The following WDR36 variants were observed in gnomAD, a reference collection of about 807,000 sequenced individuals.
The protein encoded by WDR36 is WD repeat-containing protein 36.
A neutral mutation model predicts 112.7 loss-of-function variants in WDR36; 63 were observed. The observed-to-expected ratio is 0.56, with a 90% CI of 0.46 to 0.69. The LOEUF is 0.69. Among genes scored for constraint, WDR36 ranks in the 30% least tolerant of loss-of-function variants. WDR36 has a pLI of 0.00. For synonymous variants in WDR36, 410 were observed against 362.2 expected, an observed-to-expected ratio of 1.13 and a Z score of -1.50; for missense variants, 1,226 against 1,070.3, an observed-to-expected ratio of 1.15 and a Z score of -2.03.
chr5:111,123,417 A>T (rs1352736009), intron 19 of WDR36, among the ~76,000 whole-genome samples: 1 of 152,220 alleles, frequency 6.6e-6, no homozygotes, highest in African/African-American at 2.4e-5. Flanking sequence ...TGTATTAAGC[A>T]TTTATGTAAA....
In WDR36 at chr5:111,120,992, T is replaced by C. The variant is rs780022948; in HGVS notation, c.2003-4T>C. On this transcript the variant is annotated splice_region_variant and splice_polypyrimidine_tract_variant and intron_variant, in intron 18 of 22. Coordinates refer to ENST00000513710, the MANE Select transcript of WDR36 (RefSeq NM_139281.3). ...TTTTGTTTTACCTGAAAAATTTTTT[T>C]AAGATGTAGAAGTATCAGAAGAAAC... is the stretch of plus-strand genomic sequence containing the variant. The C allele has an allele frequency of 2.9e-5, 47 of 1,611,438 alleles. No individual in the cohort carries two copies. The highest frequency in any genetic ancestry group is 3.7e-5 in the Non-Finnish European group (44 of 1,178,638).
intron 5 of WDR36, 103 bp from the exon 6 acceptor site, chr5:111,102,238 AACTT>A: frequency 1.2e-6 from 1 of 829,010 alleles, no homozygotes. Flanking sequence ...GAAGAGTAAG[AACTT>A]AATAAATATC....
rs1753703416 is a variant in WDR36 at position 111,127,815 on chromosome 5, A to G, written c.*932A>G. ...ATAGTTTAATGTCCTCTGAAAAGGT[A>G]AAAATTCCATAAATCCTTGCAAACA... On this transcript the variant is annotated 3_prime_UTR_variant, in exon 23 of 23. Transcript: ENST00000513710. 4.7e-6 allele frequency: 1 copy of G among 212,142 alleles called. No homozygotes were observed. Among genetic ancestry groups the G allele is most frequent in the Non-Finnish European group, 9.6e-6 (1 of 104,644 alleles). The allele number at this position is 212,142 out of a possible 1,614,324, so 13.1% of individuals were successfully genotyped here.
Position 111,123,924 on chromosome 5 carries a change from G to A in WDR36, c.2268G>A (p.Gln756=). ...AAPEQNNDPQ[Q]SKVVNLGVLA... ...CTGAACAAAATAATGATCCCCAGCA[G>A]GTAAAAAACAAATTAGAAGATTCTA... The change falls in exon 20 of 23, where the codon CAG becomes CAA. Residue 756 remains glutamine (Q), a splice_region_variant and synonymous_variant. Coordinates refer to ENST00000513710, the MANE Select transcript of WDR36 (RefSeq NM_139281.3). 1 of 1,613,438 alleles carries A rather than the reference G, an allele frequency of 6.2e-7. No homozygotes were observed. Among genetic ancestry groups the A allele is most frequent in the Non-Finnish European group, 8.5e-7 (1 of 1,179,872 alleles).
In WDR36 at chr5:111,129,179, A is replaced by G. The variant is rs1475336323; in HGVS notation, c.*2296A>G. On this transcript the variant is annotated 3_prime_UTR_variant, in exon 23 of 23. Coordinates refer to ENST00000513710, the MANE Select transcript of WDR36 (RefSeq NM_139281.3). ...AAGTTTTCCTTCTTTTTATTCCTTT[A>G]TAATTACAAACAATGCTGAAAGGAA... is the stretch of plus-strand genomic sequence containing the variant. 5.0e-6 allele frequency: 1 copy of G among 198,258 alleles called. No homozygotes were observed. Among genetic ancestry groups the G allele is most frequent in the Non-Finnish European group, 1.0e-5 (1 of 95,914 alleles). 12.3% of individuals were successfully genotyped at this position (198,258 alleles called of 1,614,324 possible). A position where few individuals can be genotyped will look rare whatever the true frequency, so the allele number is the denominator to read the frequency against.
At chr5:111,114,697 AC>A (rs151255442) in intron 16 of WDR36, among the ~76,000 whole-genome samples, 3,372 of 152,310 alleles carry the variant, frequency 0.022, 134 homozygotes, top group African/African-American at 0.078. Flanking sequence ...AATTAAAAAA[AC>A]ATTTTGTTAA....
chr5:111,128,340 A>T lies in WDR36; in HGVS notation c.*1457A>T. ...GTTTTTATTTAATGATGTAAGATAG[A>T]ATTAATAAACTACTAAGGAAATAAG... is the stretch of plus-strand genomic sequence containing the variant. On this transcript the variant is annotated 3_prime_UTR_variant, in exon 23 of 23. Transcript: ENST00000513710. The T allele has an allele frequency of 5.4e-6, 1 of 185,032 alleles. No homozygotes were observed. Among genetic ancestry groups the T allele is most frequent in the Non-Finnish European group, 1.1e-5 (1 of 87,092 alleles). 11.5% of individuals were successfully genotyped at this position (185,032 alleles called of 1,614,324 possible).
chr5:111,092,904 C>T (rs1752897858), intron 1 of WDR36, among the ~76,000 whole-genome samples: 1 of 152,230 alleles, frequency 6.6e-6, no homozygotes, highest in Non-Finnish European at 1.5e-5. Context: ...TTGACCTTCC[C>T]TTGAAGGTGG....
At chr5:111,100,436 C>G (rs1403069944) in intron 4 of WDR36, among the ~76,000 whole-genome samples, 153 bp from the exon 5 acceptor site, 5 of 151,866 alleles carry the variant, frequency 3.3e-5, no homozygotes, top group South Asian at 2.1e-4. Flanking sequence ...TTTTATTTCT[C>G]AAGGAATGTT....
At position 111,128,209 on chromosome 5, in the gene WDR36, C is replaced by G. The variant is rs376317466; in HGVS notation, c.*1326C>G. 2 of 190,398 alleles carry G rather than the reference C, an allele frequency of 1.1e-5. No homozygotes were observed. The highest frequency in any genetic ancestry group is 4.7e-5 in the African/African-American group (2 of 42,894). The allele number at this position is 190,398 out of a possible 1,614,324, so 11.8% of individuals were successfully genotyped here. A position where few individuals can be genotyped will look rare whatever the true frequency, so the allele number is the denominator to read the frequency against. On this transcript the variant is annotated 3_prime_UTR_variant, in exon 23 of 23. Transcript: ENST00000513710. ...AAACACAGTGGTTTGAATATGAACA[C>G]CAGTAGCATTCTCGTTCGTTGTTAG...
chr5:111,120,712 A>T, intron 18 of WDR36, 119 bp downstream of exon 18: 1 of 880,218 alleles, frequency 1.1e-6, no homozygotes, highest in African/African-American at 1.7e-5. Flanking sequence ...AACTGATATA[A>T]AAGACTTTGA....
intron 16 of WDR36, among the ~76,000 whole-genome samples, chr5:111,113,529 A>G (rs1753391626): frequency 6.6e-6 from 1 of 152,002 alleles, no homozygotes; most frequent in Admixed American, 6.6e-5. Context: ...TAAAAGGTCA[A>G]ACCCCCTAAC....
chr5:111,102,684 A>G (rs1753144522), intron 6 of WDR36, among the ~76,000 whole-genome samples: 1 of 151,694 alleles, frequency 6.6e-6, no homozygotes, highest in Non-Finnish European at 1.5e-5. Context: ...TATGTAGTCC[A>G]TTGTCTTGTG....
intron 19 of WDR36, among the ~76,000 whole-genome samples, chr5:111,122,736 A>G (rs1753592825): frequency 6.6e-6 from 1 of 152,202 alleles, no homozygotes; most frequent in Admixed American, 6.5e-5. Flanking sequence ...AGGGCGGCAT[A>G]GCTCCTAAAG....
intron 18 of WDR36, 66 bp downstream of exon 18, chr5:111,120,659 C>T (rs1346420483): frequency 7.5e-7 from 1 of 1,334,114 alleles, no homozygotes; most frequent in Non-Finnish European, 1.1e-6. Context: ...GGAGATATTG[C>T]TACCAAAGGC....
chr5:111,097,301 C>G (rs920578085), intron 3 of WDR36, 122 bp downstream of exon 3: 1 of 735,248 alleles, frequency 1.4e-6, no homozygotes, highest in Admixed American at 2.1e-5. Context: ...TCTTTTTTTT[C>G]TAATGTATAT....
chr5:111,108,938 A>G (rs1753271435), intron 12 of WDR36, among the ~76,000 whole-genome samples: 1 of 151,372 alleles, frequency 6.6e-6, no homozygotes, highest in Non-Finnish European at 1.5e-5. Context: ...TCTGGAGCAA[A>G]GCTAGTAACC....
intron 12 of WDR36, among the ~76,000 whole-genome samples, chr5:111,107,948 A>G (rs1251596374): frequency 6.6e-6 from 1 of 151,052 alleles, no homozygotes; most frequent in South Asian, 2.1e-4. Context: ...TTCTTTTTTC[A>G]AGATTGTTTT....
At chr5:111,107,576 C>A in intron 12 of WDR36, 137 bp downstream of exon 12, 1 of 1,168,180 alleles carries the variant, frequency 8.6e-7, no homozygotes, top group Non-Finnish European at 1.2e-6. Context: ...AACCCAAAGC[C>A]ACAAAAATTT....
Sources: allele counts gnomAD v4.1 joint callset (sites outside exome capture counted in the v4.1 genomes callset), GRCh38; gene constraint gnomAD v4.1.1; transcripts MANE v1.5; gene names NCBI Gene and HGNC (gene_info 2026-07-23, HGNC 2026-07-21).